The following PTPRD variants were observed in gnomAD, a reference collection of about 807,000 sequenced individuals.
The protein encoded by PTPRD is receptor-type tyrosine-protein phosphatase delta.
A neutral mutation model predicts 214.5 loss-of-function variants in PTPRD; 34 were observed. The ratio of observed to expected loss-of-function variants is 0.16; its 90% CI spans 0.12 to 0.21. PTPRD has a LOEUF of 0.21. Ranked by LOEUF, PTPRD falls within the 10% of genes least tolerant of loss-of-function variation. The probability of loss-of-function intolerance (pLI) is 1.00; values close to 1 mark genes in which losing one functional copy is unlikely to be tolerated. For synonymous variants in PTPRD, 1,128 were observed against 845.7 expected (o/e 1.33, Z -5.79); for missense variants, 2,545 against 2,398.7 (o/e 1.06, Z -1.27).
At chr9:8,721,868 T>G (rs1042890244) in intron 12 of PTPRD, among the ~76,000 whole-genome samples, 2 of 152,226 alleles carry the variant, frequency 1.3e-5, no homozygotes, top group Non-Finnish European at 2.9e-5. Flanking sequence ...AACCCCATAT[T>G]AATTAGAAGG....
chr9:10,296,474 C>A (rs1350063963), intron 3 of PTPRD, among the ~76,000 whole-genome samples: 1 of 152,082 alleles, frequency 6.6e-6, no homozygotes, highest in South Asian at 2.1e-4. Context: ...TATTTTCTAA[C>A]ACATGGTTAA....
chr9:8,404,787 CCTAA>C, intron 35 of PTPRD, 127 bp from the exon 36 acceptor site: 3 of 1,194,162 alleles, frequency 2.5e-6, no homozygotes, highest in South Asian at 1.8e-5. Flanking sequence ...TCAAGATGAT[CCTAA>C]CTGTGAAGCT....
chr9:9,626,681 A>G (rs944174264), intron 7 of PTPRD, among the ~76,000 whole-genome samples: 27 of 152,342 alleles, frequency 1.8e-4, no homozygotes, highest in African/African-American at 6.3e-4. Context: ...TGTACATATA[A>G]TATTTAATCT....
At chr9:9,190,206 G>C (rs945596086) in intron 9 of PTPRD, among the ~76,000 whole-genome samples, 11 of 152,006 alleles carry the variant, frequency 7.2e-5, no homozygotes, top group African/African-American at 2.7e-4. Flanking sequence ...GTGGGAGTTG[G>C]TTAGTTATTG....
intron 7 of PTPRD, among the ~76,000 whole-genome samples, chr9:9,700,899 A>C (rs371520763): frequency 5.9e-5 from 9 of 152,302 alleles, no homozygotes; most frequent in African/African-American, 2.2e-4. Context: ...ACAGAAAGTT[A>C]CAGATGTAAA....
chr9:8,894,187 C>T (rs2098577991), intron 11 of PTPRD, among the ~76,000 whole-genome samples: 1 of 151,704 alleles, frequency 6.6e-6, no homozygotes, highest in South Asian at 2.1e-4. Flanking sequence ...AACCCTGTTT[C>T]TACTAAAAAT....
intron 3 of PTPRD, among the ~76,000 whole-genome samples, chr9:10,169,473 CAAAAA>C (rs59335943): frequency 3.0e-5 from 2 of 66,876 alleles, no homozygotes; most frequent in African/African-American, 7.2e-5. Flanking sequence ...GACTCTGTCT[CAAAAA>C]AAAAAAAAAA....
At chr9:8,476,455 A>G (rs2096767191) in intron 30 of PTPRD, among the ~76,000 whole-genome samples, 1 of 152,118 alleles carries the variant, frequency 6.6e-6, no homozygotes, top group Non-Finnish European at 1.5e-5. Flanking sequence ...GAGATCTCTG[A>G]CAGTCCATTC....
At chr9:8,318,088 C>A in intron 45 of PTPRD, 146 bp from the exon 46 acceptor site, 213 of 628,518 alleles carry the variant, frequency 3.4e-4, no homozygotes, top group East Asian at 5.9e-4. Context: ...ATCCAATGAC[C>A]AATTGTTTAT....
intron 4 of PTPRD, among the ~76,000 whole-genome samples, chr9:9,951,637 T>G (rs766305935): frequency 2.7e-4 from 41 of 152,204 alleles, no homozygotes; most frequent in Admixed American, 3.9e-4. Flanking sequence ...TTCTTACAAG[T>G]TAATGTCGTT....
intron 3 of PTPRD, among the ~76,000 whole-genome samples, chr9:10,278,043 C>T (rs1819208): frequency 2.0e-5 from 3 of 151,782 alleles, no homozygotes; most frequent in Non-Finnish European, 4.4e-5. Flanking sequence ...GCCTGTAGTC[C>T]CAGCTACTCG....
In PTPRD at chr9:9,998,127, A is replaced by ATATATATATAT. The variant is rs1231969776; in HGVS notation, c.-472+35590_-472+35591insATATATATATA. 1.8e-3 allele frequency among the ~76,000 whole-genome samples: 99 copies of ATATATATATAT among 55,172 alleles called. 1 individual carries two copies. Among genetic ancestry groups the ATATATATATAT allele is most frequent in the African/African-American group, 5.2e-3 (78 of 14,860 alleles). 36.2% of individuals were successfully genotyped at this position (55,172 alleles called of 152,430 possible). ...ACTTAAAGTATAATAAAAAAAAAAA[A>ATATATATATAT]AAATATATATATATATATAAAAGAA... On this transcript the variant is annotated intron_variant, in intron 4 of 45. Coordinates refer to ENST00000381196, the MANE Select transcript of PTPRD (RefSeq NM_002839.4).
At chr9:8,946,459 A>G (rs958168771) in intron 11 of PTPRD, among the ~76,000 whole-genome samples, 1 of 152,122 alleles carries the variant, frequency 6.6e-6, no homozygotes, top group East Asian at 1.9e-4. Context: ...ATACGAGGTT[A>G]ATAATACTGG....
chr9:9,290,343 T>C (rs12350625), intron 9 of PTPRD, among the ~76,000 whole-genome samples: 2 of 151,574 alleles, frequency 1.3e-5, no homozygotes, highest in Non-Finnish European at 3.0e-5. Context: ...GAGTTTCTTA[T>C]ATTTAGATAT....
chr9:8,355,551 T>C (rs1431988647), intron 39 of PTPRD, among the ~76,000 whole-genome samples: 6 of 152,184 alleles, frequency 3.9e-5, no homozygotes, highest in Admixed American at 3.3e-4. Flanking sequence ...AGGGTTTGCC[T>C]CTCATGCAGA....
At chr9:9,722,261 G>A (rs2097965384) in intron 7 of PTPRD, among the ~76,000 whole-genome samples, 1 of 151,702 alleles carries the variant, frequency 6.6e-6, no homozygotes. Flanking sequence ...CTCAGCTCTT[G>A]GCAACCAAAT....
At chr9:10,433,882 G>A (rs1441633465) in intron 2 of PTPRD, among the ~76,000 whole-genome samples, 1 of 151,672 alleles carries the variant, frequency 6.6e-6, no homozygotes, top group Non-Finnish European at 1.5e-5. Context: ...TCTCACAATT[G>A]ATCAGAATAC....
chr9:9,097,018 A>G (rs2099784489), intron 10 of PTPRD, among the ~76,000 whole-genome samples: 1 of 152,190 alleles, frequency 6.6e-6, no homozygotes. Flanking sequence ...CTAAACAGCA[A>G]CACTTGAAAT....
At chr9:9,225,909 A>C (rs1211484733) in intron 9 of PTPRD, among the ~76,000 whole-genome samples, 1 of 151,976 alleles carries the variant, frequency 6.6e-6, no homozygotes, top group Non-Finnish European at 1.5e-5. Context: ...AAAGAGTATG[A>C]ATACCTCCTC....
Sources: gnomAD v4.1 joint callset for allele counts (sites outside exome capture counted in the v4.1 genomes callset) on GRCh38, gnomAD v4.1.1 for gene constraint, MANE v1.5 for transcripts, NCBI Gene and HGNC (gene_info 2026-07-23, HGNC 2026-07-21) for gene names.